PDLIM5: variants seen among roughly 807,000 people sequenced by gnomAD.
The protein encoded by PDLIM5 is PDZ and LIM domain protein 5.
PDLIM5 carries 34 observed loss-of-function variants against 64.2 expected under a neutral mutation model. That is an observed-to-expected ratio of 0.53 (90% CI 0.40 to 0.71). PDLIM5 has a LOEUF of 0.71. PDLIM5 is among the 30% of genes least tolerant of loss of function. PDLIM5 has a pLI of 0.00. For missense variants in PDLIM5, 683 were observed against 733.6 expected (o/e 0.93, Z 0.80); for synonymous variants, 253 against 269.1 (o/e 0.94, Z 0.59).
intron 7 of PDLIM5, among the ~76,000 whole-genome samples, chr4:94,602,233 A>G (rs561780932): frequency 5.8e-4 from 88 of 152,144 alleles, no homozygotes; most frequent in Non-Finnish European, 6.8e-4. Context: ...TCATTTTATC[A>G]TATTTATATT....
chr4:94,500,077 C>G (rs1008543006), intron 2 of PDLIM5, among the ~76,000 whole-genome samples: 2 of 152,098 alleles, frequency 1.3e-5, no homozygotes, highest in Non-Finnish European at 2.9e-5. Flanking sequence ...GGAACCAATC[C>G]CCTGAGGATA....
chr4:94,582,911 T>G, intron 5 of PDLIM5: 1 of 558,550 alleles, frequency 1.8e-6, no homozygotes, highest in Non-Finnish European at 3.2e-6. Flanking sequence ...ATCAGAGGTA[T>G]GTTTAGAACA....
intron 3 of PDLIM5, among the ~76,000 whole-genome samples, chr4:94,566,722 C>T (rs1460077903): frequency 2.6e-5 from 4 of 152,098 alleles, no homozygotes; most frequent in Admixed American, 6.5e-5. Context: ...ATATGAAAGG[C>T]GGGAACTCTG....
chr4:94,654,017 G>A (rs1193790116), intron 9 of PDLIM5, among the ~76,000 whole-genome samples: 1 of 152,116 alleles, frequency 6.6e-6, no homozygotes, highest in Non-Finnish European at 1.5e-5. Context: ...TTAGCACTAT[G>A]ACTTACCAAA....
intron 8 of PDLIM5, among the ~76,000 whole-genome samples, chr4:94,628,915 G>GT (rs1318663861): frequency 6.6e-6 from 1 of 151,282 alleles, no homozygotes; most frequent in African/African-American, 2.4e-5. Flanking sequence ...GTTTTGTTTT[G>GT]TTTTTTTAAT....
intron 2 of PDLIM5, among the ~76,000 whole-genome samples, chr4:94,488,779 G>A (rs2438141): frequency 0.18 from 26,636 of 152,186 alleles, 2,796 homozygotes; most frequent in East Asian, 0.24. Context: ...GAGGGTTCCT[G>A]GTTGAGCATG....
At chr4:94,467,559 G>C (rs1302312698) in intron 2 of PDLIM5, among the ~76,000 whole-genome samples, 1 of 152,006 alleles carries the variant, frequency 6.6e-6, no homozygotes, top group Non-Finnish European at 1.5e-5. Flanking sequence ...TGATCCACCC[G>C]CCTCAGCCTC....
At chr4:94,573,040 G>A (rs1375674758) in intron 3 of PDLIM5, among the ~76,000 whole-genome samples, 1 of 152,048 alleles carries the variant, frequency 6.6e-6, no homozygotes, top group African/African-American at 2.4e-5. Context: ...TTAGGTGGGG[G>A]GTATCCTTAA....
chr4:94,464,372 G>A (rs1724161126), intron 2 of PDLIM5, among the ~76,000 whole-genome samples: 1 of 152,136 alleles, frequency 6.6e-6, no homozygotes, highest in Non-Finnish European at 1.5e-5. Context: ...TTGTGATTCA[G>A]TTCCATTGAG....
At position 94,664,084 on chromosome 4, in the gene PDLIM5, A is replaced by T. The variant is rs1463279985; in HGVS notation, c.*17A>T. 1 of 1,545,674 alleles carries T rather than the reference A, an allele frequency of 6.5e-7. No individual in the cohort carries two copies. Among genetic ancestry groups the T allele is most frequent in the Admixed American group, 1.8e-5 (1 of 54,572 alleles). The stretch of plus-strand genomic sequence containing the variant: ...AATTTTTGAAAGTCAACAGTTCAGG[A>T]GAAGAGAAGGAATTTGAAGAGAAAA... On this transcript the variant is annotated 3_prime_UTR_variant, in exon 13 of 13. Coordinates refer to ENST00000317968, the MANE Select transcript of PDLIM5 (RefSeq NM_006457.5).
chr4:94,660,992 G>A (rs977926781), intron 11 of PDLIM5, among the ~76,000 whole-genome samples: 2 of 152,130 alleles, frequency 1.3e-5, no homozygotes, highest in African/African-American at 2.4e-5. Context: ...ACTGAGGCAG[G>A]ACAATCACTT....
intron 7 of PDLIM5, chr4:94,608,043 A>T: frequency 6.6e-7 from 1 of 1,512,614 alleles, no homozygotes; most frequent in Non-Finnish European, 8.9e-7. Context: ...TATATATTTT[A>T]CTTCTGAAAA....
intron 2 of PDLIM5, among the ~76,000 whole-genome samples, chr4:94,480,305 A>G (rs912165076): frequency 1.3e-5 from 2 of 152,230 alleles, no homozygotes; most frequent in Non-Finnish European, 2.9e-5. Context: ...TGATTTGGGA[A>G]TTAAATGAAT....
Position 94,664,528 on chromosome 4 carries a change from A to T in PDLIM5, c.*461A>T. On this transcript the variant is annotated 3_prime_UTR_variant, in exon 13 of 13. Transcript: ENST00000317968. ...AATACTTATCTTTAAAATAGTAAAT[A>T]GGATTTTAAACAGAGAATTTTATCA... 1 of 763,030 alleles carries T rather than the reference A, an allele frequency of 1.3e-6. No homozygotes were observed. The highest frequency in any genetic ancestry group is 1.3e-4 in the East Asian group (1 of 7,862). The allele number at this position is 763,030 out of a possible 1,614,324, so 47.3% of individuals were successfully genotyped here. A position where few individuals can be genotyped will look rare whatever the true frequency, so the allele number is the denominator to read the frequency against.
In PDLIM5 at chr4:94,542,767, C is replaced by T. The variant is rs3792664; in HGVS notation, c.248+18892C>T. On this transcript the variant is annotated intron_variant, in intron 3 of 12. Coordinates refer to ENST00000317968, the MANE Select transcript of PDLIM5 (RefSeq NM_006457.5). ...TGTTATTTCATCTATTTAATAGGAG[C>T]GAATGCTACTTTTCCATGGTTCCTG... 5.3e-5 allele frequency among the ~76,000 whole-genome samples: 8 copies of T among 152,024 alleles called. No homozygotes were observed. In the East Asian group the frequency reaches 5.8e-4, roughly 11 times the overall value.
intron 9 of PDLIM5, among the ~76,000 whole-genome samples, chr4:94,647,411 C>T (rs1741502850): frequency 1.3e-5 from 2 of 151,916 alleles, no homozygotes; most frequent in East Asian, 1.9e-4. Context: ...CAGAGTAGTA[C>T]ATTTTATAAT....
At chr4:94,636,690 C>T (rs548572572) in intron 8 of PDLIM5, among the ~76,000 whole-genome samples, 29 of 152,078 alleles carry the variant, frequency 1.9e-4, no homozygotes, top group African/African-American at 3.9e-4. Flanking sequence ...AGGCCCACCA[C>T]GCGCAGCTAA....
intron 5 of PDLIM5, 132 bp from the exon 6 acceptor site, chr4:94,585,433 G>A (rs557169382): frequency 1.7e-5 from 10 of 590,880 alleles, no homozygotes; most frequent in Non-Finnish European, 2.3e-5. Flanking sequence ...GAATATACTT[G>A]CAAAGCAAAC....
chr4:94,643,201 AT>A (rs1741141502), intron 9 of PDLIM5, among the ~76,000 whole-genome samples: 1 of 152,114 alleles, frequency 6.6e-6, no homozygotes, highest in Non-Finnish European at 1.5e-5. Context: ...AAGTTTAAAA[AT>A]TTTTTGGTTT....
Sources: allele counts gnomAD v4.1 joint callset (sites outside exome capture counted in the v4.1 genomes callset), GRCh38; gene constraint gnomAD v4.1.1; transcripts MANE v1.5; gene names NCBI Gene and HGNC (gene_info 2026-07-23, HGNC 2026-07-21).